TANC1: variants seen among roughly 807,000 people sequenced by gnomAD.
The protein encoded by TANC1 is protein TANC1.
TANC1 carries 77 observed loss-of-function variants against 149.7 expected under a neutral mutation model. The observed-to-expected ratio is 0.51, with a 90% CI of 0.43 to 0.62. The LOEUF (loss-of-function observed/expected upper bound fraction) is 0.62. TANC1 is among the 20% of genes least tolerant of loss of function. The pLI is 0.00. For missense variants in TANC1, 1,985 were observed against 2,321.8 expected, an observed-to-expected ratio of 0.85 and a Z score of 2.98; for synonymous variants, 854 against 925.0, an observed-to-expected ratio of 0.92 and a Z score of 1.39.
intron 4 of TANC1, among the ~76,000 whole-genome samples, chr2:159,100,981 G>A (rs1222698869): frequency 6.6e-6 from 1 of 152,126 alleles, no homozygotes; most frequent in Non-Finnish European, 1.5e-5. Context: ...TCAATACAGT[G>A]TGTCTGCAGC....
chr2:159,172,530 T>C (rs2055371445), intron 11 of TANC1, among the ~76,000 whole-genome samples: 1 of 152,218 alleles, frequency 6.6e-6, no homozygotes, highest in African/African-American at 2.4e-5. Context: ...GAAGGTAGCA[T>C]GTGCACTCGC....
chr2:158,972,503 T>G (rs2033044529), intron 1 of TANC1, among the ~76,000 whole-genome samples: 1 of 152,208 alleles, frequency 6.6e-6, no homozygotes, highest in South Asian at 2.1e-4. Flanking sequence ...ATGTTTGTGC[T>G]TTGTCCTGCT....
intron 2 of TANC1, among the ~76,000 whole-genome samples, chr2:159,009,728 C>T (rs1342748104): frequency 1.3e-5 from 2 of 152,078 alleles, no homozygotes; most frequent in African/African-American, 4.8e-5. Context: ...TGTATATTTT[C>T]AGATAGCTAG....
intron 4 of TANC1, among the ~76,000 whole-genome samples, chr2:159,116,807 G>C (rs1276651248): frequency 6.6e-6 from 1 of 152,214 alleles, no homozygotes; most frequent in Non-Finnish European, 1.5e-5. Flanking sequence ...GACACTGCAT[G>C]AACATTTTCA....
At chr2:159,126,064 CTG>C (rs910998568) in intron 4 of TANC1, among the ~76,000 whole-genome samples, 2 of 152,160 alleles carry the variant, frequency 1.3e-5, no homozygotes, top group African/African-American at 4.8e-5. Context: ...TTTCGAGGGT[CTG>C]TGTGATTATA....
chr2:159,204,490 C>T (rs1011455094), intron 19 of TANC1, among the ~76,000 whole-genome samples: 1 of 152,192 alleles, frequency 6.6e-6, no homozygotes, highest in Admixed American at 6.5e-5. Context: ...CCATCTGTGT[C>T]CATAACATCT....
chr2:159,160,322 A>G (rs999960609), intron 7 of TANC1, among the ~76,000 whole-genome samples: 1 of 152,072 alleles, frequency 6.6e-6, no homozygotes, highest in Non-Finnish European at 1.5e-5. Context: ...AATGTCAAAT[A>G]GCACTTTTTA....
At chr2:159,105,795 G>T (rs980060845) in intron 4 of TANC1, among the ~76,000 whole-genome samples, 1 of 152,038 alleles carries the variant, frequency 6.6e-6, no homozygotes, top group African/African-American at 2.4e-5. Context: ...AGTTTACTGG[G>T]CCAAAACTTA....
At chr2:159,216,180 G>A (rs1269308511) in intron 19 of TANC1, among the ~76,000 whole-genome samples, 1 of 152,174 alleles carries the variant, frequency 6.6e-6, no homozygotes, top group African/African-American at 2.4e-5. Context: ...GGGGCTTGGT[G>A]CTCTTCATAG....
chr2:159,193,444 G>C (rs2057614958), intron 16 of TANC1, among the ~76,000 whole-genome samples: 1 of 152,214 alleles, frequency 6.6e-6, no homozygotes, highest in African/African-American at 2.4e-5. Context: ...ATATGTCTTT[G>C]AGATCCTGCT....
chr2:159,027,212 T>C (rs1329352306), intron 2 of TANC1: 1 of 152,226 alleles, frequency 6.6e-6, no homozygotes, highest in Non-Finnish European at 1.5e-5. Context: ...CTTTTAATTA[T>C]ACATTTTGTC....
intron 7 of TANC1, among the ~76,000 whole-genome samples, chr2:159,153,220 C>T (rs2053049725): frequency 6.6e-6 from 1 of 152,184 alleles, no homozygotes; most frequent in Admixed American, 6.5e-5. Flanking sequence ...TGCAGGATCC[C>T]CATTCCACAT....
chr2:159,040,917 G>C (rs1410325670), intron 2 of TANC1, among the ~76,000 whole-genome samples: 1 of 152,164 alleles, frequency 6.6e-6, no homozygotes, highest in Admixed American at 6.5e-5. Context: ...TTCAGTCTTT[G>C]ATGATGGTGA....
At chr2:159,127,439 A>T (rs2049572541) in intron 4 of TANC1, among the ~76,000 whole-genome samples, 1 of 152,252 alleles carries the variant, frequency 6.6e-6, no homozygotes, top group African/African-American at 2.4e-5. Flanking sequence ...ATACCATTTG[A>T]CCTAGCAATC....
intron 7 of TANC1, among the ~76,000 whole-genome samples, chr2:159,152,013 C>T (rs545807451): frequency 3.3e-5 from 5 of 151,886 alleles, no homozygotes; most frequent in African/African-American, 1.2e-4. Context: ...TCCAAGCTCC[C>T]CAGTCCTAGT....
Position 159,142,073 on chromosome 2 carries a change from T to C in TANC1, c.364+5775T>C, listed in dbSNP as rs934157142. Among the ~76,000 whole-genome samples the C allele has an allele frequency of 4.6e-5, 7 of 152,328 alleles. No individual in the cohort carries two copies. In the East Asian group the frequency reaches 5.8e-4, roughly 13 times the overall value. On this transcript the variant is annotated intron_variant, in intron 5 of 26. Transcript: ENST00000263635. ...ATAGGTATGTGATAAGGAAATGGAA[T>C]TGGTGAGAATAGAGAGCCCTCTTTT...
At chr2:159,046,662 CAATCT>C (rs1352325736) in intron 2 of TANC1, among the ~76,000 whole-genome samples, 6 of 140,630 alleles carry the variant, frequency 4.3e-5, no homozygotes, top group Non-Finnish European at 9.0e-5. Context: ...TGCAGCGGCA[CAATCT>C]CGGCTCATTG....
intron 14 of TANC1, among the ~76,000 whole-genome samples, chr2:159,183,968 A>G (rs1250178857): frequency 6.6e-6 from 1 of 152,174 alleles, no homozygotes; most frequent in Admixed American, 6.5e-5. Context: ...TCCCCCCGTC[A>G]GACGTGGTGC....
intron 1 of TANC1, among the ~76,000 whole-genome samples, chr2:158,971,869 G>A (rs1359836829): frequency 1.3e-5 from 2 of 152,188 alleles, no homozygotes; most frequent in African/African-American, 4.8e-5. Flanking sequence ...TCTATAAATA[G>A]TTGAGTTGAA....
Sources: allele counts gnomAD v4.1 joint callset (sites outside exome capture counted in the v4.1 genomes callset), GRCh38; gene constraint gnomAD v4.1.1; transcripts MANE v1.5; gene names NCBI Gene and HGNC (gene_info 2026-07-23, HGNC 2026-07-21).